RBM34: variants seen among roughly 807,000 people sequenced by gnomAD.
RBM34 encodes the protein RNA binding motif protein 34.
RBM34 carries 39 observed loss-of-function variants against 44.6 expected under a neutral mutation model. The observed-to-expected ratio is 0.87, with a 90% CI of 0.68 to 1.14. The LOEUF (loss-of-function observed/expected upper bound fraction) is 1.14. RBM34 is among the 50% of genes most tolerant of loss of function. RBM34 has a pLI of 0.00. For missense variants in RBM34, 572 were observed against 517.9 expected, an observed-to-expected ratio of 1.10 and a Z score of -1.01; for synonymous variants, 194 against 184.0, an observed-to-expected ratio of 1.05 and a Z score of -0.44.
rs1467321662 is a variant in RBM34 at position 235,160,943 on chromosome 1, A to G, written c.178T>C (p.Phe60Leu). 1.2e-6 allele frequency: 2 copies of G among 1,614,050 alleles called. No individual in the cohort carries two copies. The highest frequency in any genetic ancestry group is 1.7e-6 in the Non-Finnish European group (2 of 1,180,044). Residue 60 changes from phenylalanine to leucine, a missense_variant, in exon 2 of 11, where the codon TTC becomes CTC. Phe to Leu is a conservative substitution (Grantham distance 22, BLOSUM62 0). Coordinates refer to ENST00000408888, the MANE Select transcript of RBM34 (RefSeq NM_015014.4). ...TGAATCTGGGGCTCCAGAGAACTGA[A>G]GAGGGACGCCAGCCGACCGGTGCCA... is the stretch of plus-strand genomic sequence containing the variant. ...RGGTGRLASL[F>L]SSLEPQIQPV...
chr1:235,149,689 C>A (rs181335053), intron 5 of RBM34, among the ~76,000 whole-genome samples: 4 of 152,088 alleles, frequency 2.6e-5, no homozygotes, highest in Non-Finnish European at 5.9e-5. Flanking sequence ...CAGAAATACA[C>A]GTCAACAACT....
intron 6 of RBM34, among the ~76,000 whole-genome samples, chr1:235,147,625 G>A (rs1393473153): frequency 6.6e-6 from 1 of 152,112 alleles, no homozygotes; most frequent in Admixed American, 6.5e-5. Flanking sequence ...GACCTGGTCG[G>A]CCAAATAACT....
chr1:235,161,222 G>C lies in RBM34; in HGVS notation c.5C>G (p.Ala2Gly). Residue 2 changes from alanine to glycine, a missense_variant, in exon 1 of 11, where the codon GCC becomes GGC. Transcript: ENST00000408888. ...CTTCCGTTTGCTCATCCCTTCCAAG[G>C]CCATTCTTACTCCAAAGACTCCCAG... is the stretch of plus-strand genomic sequence containing the variant. MALEGMSKRKRK... is the reference protein window; with the variant it reads MGLEGMSKRKRK... The C allele has an allele frequency of 6.2e-7, 1 of 1,613,188 alleles. No homozygotes were observed. The highest frequency in any genetic ancestry group is 1.1e-5 in the South Asian group (1 of 90,962).
chr1:235,135,968 A>G (rs1661410122), intron 9 of RBM34, 66 bp downstream of exon 9: 1 of 1,360,910 alleles, frequency 7.3e-7, no homozygotes, highest in South Asian at 1.3e-5. Context: ...TTAAGTTACT[A>G]CTCAGTTCTT....
chr1:235,157,108 T>C (rs1478602553), intron 3 of RBM34, among the ~76,000 whole-genome samples: 2 of 152,174 alleles, frequency 1.3e-5, no homozygotes, highest in Non-Finnish European at 2.9e-5. Context: ...ACGAAAGTGC[T>C]TAGATTTTAT....
intron 6 of RBM34, 131 bp downstream of exon 6, chr1:235,148,273 C>A: frequency 1.8e-6 from 1 of 551,772 alleles, no homozygotes; most frequent in South Asian, 3.8e-5. Context: ...AATACAGAAG[C>A]AAACAGTCAA....
chr1:235,150,978 G>A (rs1020172060), intron 5 of RBM34, among the ~76,000 whole-genome samples: 4 of 152,182 alleles, frequency 2.6e-5, no homozygotes, highest in Admixed American at 6.5e-5. Flanking sequence ...ATGCAAGGCA[G>A]GGAAAGAGGT....
chr1:235,143,739 ATACAATACAG>A (rs375472181), intron 6 of RBM34, among the ~76,000 whole-genome samples: 14 of 152,184 alleles, frequency 9.2e-5, no homozygotes, highest in Admixed American at 3.3e-4. Context: ...CTCCATCACA[ATACAATACAG>A]TACAATACAG....
At chr1:235,144,909 C>T (rs749077120) in intron 6 of RBM34, among the ~76,000 whole-genome samples, 2 of 151,908 alleles carry the variant, frequency 1.3e-5, no homozygotes, top group South Asian at 2.1e-4. Flanking sequence ...CCAGGTGTAG[C>T]GCACATGCCT....
At chr1:235,143,725 A>G (rs567913162) in intron 6 of RBM34, among the ~76,000 whole-genome samples, 1 of 152,288 alleles carries the variant, frequency 6.6e-6, no homozygotes, top group South Asian at 2.1e-4. Flanking sequence ...GCGACAGAGC[A>G]AGACTCCATC....
intron 6 of RBM34, among the ~76,000 whole-genome samples, chr1:235,140,226 C>G (rs1390199396): frequency 6.6e-6 from 1 of 152,240 alleles, no homozygotes; most frequent in East Asian, 1.9e-4. Flanking sequence ...GCTGTGGGAG[C>G]CCGTTTCTGG....
intron 3 of RBM34, among the ~76,000 whole-genome samples, chr1:235,158,408 C>T (rs1308377437): frequency 1.4e-5 from 2 of 148,070 alleles, no homozygotes; most frequent in African/African-American, 2.5e-5. Context: ...AACAGTGAAA[C>T]GCCATCTCAA....
intron 5 of RBM34, among the ~76,000 whole-genome samples, chr1:235,149,183 T>C (rs1419582394): frequency 6.6e-6 from 1 of 150,932 alleles, no homozygotes; most frequent in African/African-American, 2.4e-5. Flanking sequence ...GGTCAGGAGG[T>C]TGAGACCATC....
chr1:235,152,868 G>T, intron 4 of RBM34, 103 bp from the exon 5 acceptor site: 1 of 923,152 alleles, frequency 1.1e-6, no homozygotes, highest in Non-Finnish European at 1.5e-6. Context: ...TCTACTGCCA[G>T]GCTTTTTTTT....
At chr1:235,139,333 C>A (rs1363073612) in intron 6 of RBM34, among the ~76,000 whole-genome samples, 1 of 152,198 alleles carries the variant, frequency 6.6e-6, no homozygotes, top group Non-Finnish European at 1.5e-5. Flanking sequence ...ATTGATTAAA[C>A]CAGCTGTGAT....
intron 5 of RBM34, among the ~76,000 whole-genome samples, chr1:235,150,590 G>A (rs1662116690): frequency 6.6e-6 from 1 of 152,160 alleles, no homozygotes; most frequent in Admixed American, 6.6e-5. Flanking sequence ...AGGGACAAAG[G>A]TGAGAAAACC....
chr1:235,160,038 G>C, intron 3 of RBM34: 1 of 243,006 alleles, frequency 4.1e-6, no homozygotes, highest in South Asian at 5.0e-5. Flanking sequence ...CAGATCGCTT[G>C]AGGTCAGGAG....
chr1:235,138,158 C>G lies in RBM34; in HGVS notation c.718G>C (p.Asp240His). The G allele has an allele frequency of 6.3e-7, 1 of 1,590,934 alleles. No homozygotes were observed. Among genetic ancestry groups the G allele is most frequent in the Non-Finnish European group, 8.5e-7 (1 of 1,169,930 alleles). The change falls in exon 7 of 11, where the codon GAT becomes CAT. Residue 240 changes from aspartate to histidine, a missense_variant. By Grantham distance (81) the Asp-to-His change is moderately conservative. Transcript: ENST00000408888. ...ACATAGGCATTAATATTTTTCTGAT[C>G]AGGATGAATTTTACGTCTACACCAA... ...LAAIKRKIHP[D>H]QKNINAYVVF... is the part of the protein sequence containing the mutation.
intron 5 of RBM34, 96 bp from the exon 6 acceptor site, chr1:235,148,543 C>T: frequency 1.2e-6 from 1 of 836,698 alleles, no homozygotes; most frequent in Non-Finnish European, 1.8e-6. Flanking sequence ...CTCCAGTACA[C>T]TGTGATCAAA....
Sources: gnomAD v4.1 joint callset for allele counts (sites outside exome capture counted in the v4.1 genomes callset) on GRCh38, gnomAD v4.1.1 for gene constraint, MANE v1.5 for transcripts, NCBI Gene and HGNC (gene_info 2026-07-23, HGNC 2026-07-21) for gene names.